The following GRK5 variants were observed in gnomAD, a reference collection of about 807,000 sequenced individuals.
GRK5 encodes G protein-coupled receptor kinase 5.
GRK5 carries 40 observed loss-of-function variants against 78.4 expected under a neutral mutation model. That is an observed-to-expected ratio of 0.51 (90% confidence interval 0.40 to 0.66). GRK5 has a LOEUF of 0.66. Ranked by LOEUF, GRK5 falls within the 30% of genes least tolerant of loss-of-function variation. The probability of loss-of-function intolerance (pLI) is 0.00; values close to 1 mark genes in which losing one functional copy is unlikely to be tolerated. For synonymous variants in GRK5, 289 were observed against 296.8 expected (o/e 0.97, Z 0.27); for missense variants, 598 against 759.9 (o/e 0.79, Z 2.50).
intron 1 of GRK5, among the ~76,000 whole-genome samples, chr10:119,221,269 G>A (rs975463880): frequency 3.9e-5 from 6 of 152,132 alleles, no homozygotes; most frequent in Non-Finnish European, 7.3e-5. Context: ...GTAGGTGAAC[G>A]TTTTCCCAAA....
rs1301547268 is a variant in GRK5, at chr10:119,326,749, G to A, written c.148+138G>A. On this transcript the variant is annotated intron_variant, in intron 2 of 15. Coordinates refer to ENST00000392870, the MANE Select transcript of GRK5 (RefSeq NM_005308.3). ...AATGCCAATCAGTGGACACAGTATT[G>A]TGCTTCCAGGTAGGGGCTCCAGGCT... The A allele has an allele frequency of 4.5e-6, 3 of 669,414 alleles. No homozygotes were observed. The Admixed American group carries it at 7.2e-5, about 16-fold the overall frequency. 41.5% of individuals were successfully genotyped at this position (669,414 alleles called of 1,614,324 possible).
chr10:119,263,327 C>T (rs2133659625), intron 1 of GRK5, among the ~76,000 whole-genome samples: 1 of 152,262 alleles, frequency 6.6e-6, no homozygotes, highest in South Asian at 2.1e-4. Flanking sequence ...ATTCTTATAT[C>T]AAAGGCTCTG....
At chr10:119,454,126 T>A (rs1055331499) in intron 15 of GRK5, among the ~76,000 whole-genome samples, 1 of 152,190 alleles carries the variant, frequency 6.6e-6, no homozygotes, top group Admixed American at 6.5e-5. Flanking sequence ...CAGCCAGTGA[T>A]AATATAAAAA....
chr10:119,311,854 A>G (rs1850364303), intron 1 of GRK5, among the ~76,000 whole-genome samples: 1 of 151,432 alleles, frequency 6.6e-6, no homozygotes, highest in African/African-American at 2.4e-5. Context: ...ATGTTTTGGA[A>G]TTAAACGGAG....
intron 2 of GRK5, among the ~76,000 whole-genome samples, chr10:119,349,561 G>A (rs1399662698): frequency 2.0e-5 from 3 of 152,218 alleles, no homozygotes; most frequent in Non-Finnish European, 4.4e-5. Flanking sequence ...TGTGTGGGAG[G>A]GGAGGGCCTG....
At chr10:119,304,964 T>C (rs566741475) in intron 1 of GRK5, among the ~76,000 whole-genome samples, 11 of 152,268 alleles carry the variant, frequency 7.2e-5, no homozygotes, top group African/African-American at 2.6e-4. Context: ...TGTTTTTCTT[T>C]CATCTCTCCC....
chr10:119,365,422 G>A (rs920010652), intron 2 of GRK5, among the ~76,000 whole-genome samples: 18 of 152,170 alleles, frequency 1.2e-4, no homozygotes, highest in Admixed American at 9.8e-4. Context: ...GTGTGGCATC[G>A]ATCACAGGCC....
chr10:119,261,683 G>A (rs1589708887), intron 1 of GRK5, among the ~76,000 whole-genome samples: 1 of 152,206 alleles, frequency 6.6e-6, no homozygotes, highest in Admixed American at 6.5e-5. Flanking sequence ...GATCACTCGC[G>A]GTTAGGAGCT....
chr10:119,456,875 C>T lies in GRK5; in HGVS notation c.*1808C>T, dbSNP rs979385607. ...AACCCCCGGACTCTACCCCTGGGTCCTGGGGCGTACCGCTAAAAGGGTCCT... is the reference window on the plus strand; with the variant it reads ...AACCCCCGGACTCTACCCCTGGGTCTTGGGGCGTACCGCTAAAAGGGTCCT... On this transcript the variant is annotated 3_prime_UTR_variant, in exon 16 of 16. Coordinates refer to ENST00000392870, the MANE Select transcript of GRK5 (RefSeq NM_005308.3). This position sits in a 1 kb window ranked among gnomAD's most constrained non-coding sequence, Gnocchi z 5.5. 2.0e-5 allele frequency: 3 copies of T among 152,258 alleles called. No individual in the cohort carries two copies. Among genetic ancestry groups the T allele is most frequent in the African/African-American group, 7.2e-5 (3 of 41,456 alleles). The allele number at this position is 152,258 out of a possible 1,614,324, so 9.4% of individuals were successfully genotyped here.
chr10:119,304,765 G>A (rs931229049), intron 1 of GRK5, among the ~76,000 whole-genome samples: 3 of 152,202 alleles, frequency 2.0e-5, no homozygotes, highest in Non-Finnish European at 4.4e-5. Context: ...TAGGGGTAGG[G>A]CATGAGAACC....
chr10:119,214,984 C>G (rs963995376), intron 1 of GRK5, among the ~76,000 whole-genome samples: 2 of 152,182 alleles, frequency 1.3e-5, no homozygotes, highest in Admixed American at 1.3e-4. Flanking sequence ...GGCGGGTAGA[C>G]GGGCTGCAGT....
At chr10:119,405,082 G>C (rs914455489) in intron 4 of GRK5, among the ~76,000 whole-genome samples, 4 of 152,222 alleles carry the variant, frequency 2.6e-5, no homozygotes, top group South Asian at 4.1e-4. Flanking sequence ...GTCTGGCAAG[G>C]GGGGTGCCAG....
At chr10:119,419,569 C>G (rs1032018522) in intron 4 of GRK5, among the ~76,000 whole-genome samples, 4 of 152,218 alleles carry the variant, frequency 2.6e-5, no homozygotes, top group African/African-American at 9.6e-5. Flanking sequence ...GTTATAAAGC[C>G]AGACATTATT....
chr10:119,244,278 T>C lies in GRK5; in HGVS notation c.52+36309T>C, dbSNP rs141963679. On this transcript the variant is annotated intron_variant, in intron 1 of 15. Coordinates refer to ENST00000392870, the MANE Select transcript of GRK5 (RefSeq NM_005308.3). ...CATGACTGAAAAATTTATATTCTAA[T>C]AGACCATAAGACACTGCTCTAAAGT... 8.2e-4 allele frequency among the ~76,000 whole-genome samples: 125 copies of C among 152,392 alleles called. 1 individual carries two copies. The highest frequency in any genetic ancestry group is 3.0e-3 in the African/African-American group (123 of 41,600).
At chr10:119,231,156 A>G (rs1256139567) in intron 1 of GRK5, among the ~76,000 whole-genome samples, 2 of 152,150 alleles carry the variant, frequency 1.3e-5, no homozygotes, top group African/African-American at 4.8e-5. Flanking sequence ...TGGGGGAAAC[A>G]TTTGCAAACT....
intron 2 of GRK5, chr10:119,330,157 C>T (rs1393375841): frequency 2.6e-5 from 4 of 152,118 alleles, no homozygotes; most frequent in Non-Finnish European, 4.4e-5. Flanking sequence ...GCCACTGCGC[C>T]GCCTTTTTCT....
intron 1 of GRK5, among the ~76,000 whole-genome samples, chr10:119,299,354 A>C: frequency 6.7e-6 from 1 of 150,284 alleles, no homozygotes; most frequent in East Asian, 2.0e-4. Flanking sequence ...AATCGCTTAA[A>C]CCTGGGAGGC....
intron 1 of GRK5, among the ~76,000 whole-genome samples, chr10:119,289,244 T>G (rs1166823954): frequency 6.6e-6 from 1 of 152,240 alleles, no homozygotes. Context: ...TGGCCCCTGC[T>G]CAAACTCCTC....
rs1850885770 is a variant in GRK5 at position 119,336,342 on chromosome 10, A to G, written c.148+9731A>G. ...TGGCCCAGTGTGTTTCCTTGAAAGGACGTGTGTCATCTAGAAGCCTGCAGC... is the reference window on the plus strand; with the variant it reads ...TGGCCCAGTGTGTTTCCTTGAAAGGGCGTGTGTCATCTAGAAGCCTGCAGC... On this transcript the variant is annotated intron_variant, in intron 2 of 15. Transcript: ENST00000392870. The surrounding 1 kb of genome is among the most constrained non-coding windows in gnomAD (Gnocchi z 4.5). 6.6e-6 allele frequency among the ~76,000 whole-genome samples: 1 copy of G among 151,904 alleles called. No individual in the cohort carries two copies. Among genetic ancestry groups the G allele is most frequent in the Non-Finnish European group, 1.5e-5 (1 of 68,026 alleles).
Sources: gnomAD v4.1 joint callset for allele counts (sites outside exome capture counted in the v4.1 genomes callset) on GRCh38, gnomAD v4.1.1 for gene constraint, Gnocchi (gnomAD v3.1) non-coding constraint, MANE v1.5 for transcripts, NCBI Gene and HGNC (gene_info 2026-07-23, HGNC 2026-07-21) for gene names.